The following NUP153 variants were observed in gnomAD, a reference collection of about 807,000 sequenced individuals.
The protein encoded by NUP153 is nucleoporin 153.
NUP153 carries 27 observed loss-of-function variants against 134.6 expected under a neutral mutation model. The observed-to-expected ratio is 0.20, with a 90% confidence interval of 0.15 to 0.28. NUP153 has a LOEUF of 0.28. NUP153 is among the 10% of genes least tolerant of loss of function. The pLI is 1.00. For missense variants in NUP153, 1,821 were observed against 1,731.3 expected (o/e 1.05, Z -0.92); for synonymous variants, 640 against 623.5 (o/e 1.03, Z -0.40).
At chr6:17,704,197 C>T (rs141787223) in intron 1 of NUP153, among the ~76,000 whole-genome samples, 2,930 of 151,400 alleles carry the variant, frequency 0.019, 97 homozygotes, top group African/African-American at 0.067. Flanking sequence ...GAGGCTGAGG[C>T]AGGAGAATGG....
intron 5 of NUP153, 51 bp downstream of exon 5, chr6:17,674,854 G>A (rs753407469): frequency 7.9e-5 from 108 of 1,372,588 alleles, no homozygotes; most frequent in Non-Finnish European, 1.0e-4. Context: ...TCCAGTTAAA[G>A]TGTAAAAAAA....
intron 20 of NUP153, among the ~76,000 whole-genome samples, chr6:17,622,291 C>G (rs886743170): frequency 6.6e-6 from 1 of 151,944 alleles, no homozygotes; most frequent in Non-Finnish European, 1.5e-5. Flanking sequence ...CTCTACAAAC[C>G]ACGCCCCCCT....
intron 14 of NUP153, among the ~76,000 whole-genome samples, chr6:17,645,744 C>T (rs1054531150): frequency 1.1e-4 from 17 of 152,102 alleles, no homozygotes; most frequent in African/African-American, 3.1e-4. Context: ...TGTAGACAAC[C>T]TATAAATTTC....
chr6:17,632,705 A>G lies in NUP153; in HGVS notation c.2604T>C (p.Ser868=), dbSNP rs1486374182. The part of the protein sequence containing the change: ...ELCLVQNKAD[S]TKCLACESAK... ...CACTTTCACATGCCAAACATTTGGT[A>G]GAGTCTGCCTTATTCTGCACTAGGC... Residue 868 remains serine (S), a synonymous_variant, in exon 17 of 22, where the codon TCT becomes TCC. Coordinates refer to ENST00000262077, the MANE Select transcript of NUP153 (RefSeq NM_005124.4). The G allele has an allele frequency of 1.9e-6, 3 of 1,613,454 alleles. No homozygotes were observed. Among genetic ancestry groups the G allele is most frequent in the Admixed American group, 1.7e-5 (1 of 59,858 alleles).
chr6:17,622,585 A>G (rs1764702111), intron 20 of NUP153, among the ~76,000 whole-genome samples: 1 of 152,142 alleles, frequency 6.6e-6, no homozygotes, highest in South Asian at 2.1e-4. Flanking sequence ...TGTGACTCTA[A>G]TTTTTAGGGC....
intron 20 of NUP153, among the ~76,000 whole-genome samples, chr6:17,616,901 G>A (rs2113755883): frequency 6.6e-6 from 1 of 152,226 alleles, no homozygotes; most frequent in East Asian, 1.9e-4. Context: ...ATAGGTGCGT[G>A]CCACCATGCC....
rs1361246745 is a variant in NUP153 at position 17,706,181 on chromosome 6, G to A, written c.111+96C>T. On this transcript the variant is annotated intron_variant, in intron 1 of 21. Coordinates refer to ENST00000262077, the MANE Select transcript of NUP153 (RefSeq NM_005124.4). The surrounding 1 kb of genome is among the most constrained non-coding windows in gnomAD (Gnocchi z 5.9). ...CTCGGGCCTTTCCTCAGGCCCTCCT[G>A]TCTGCTCCACGTGGGGCGCCGGGGC... The A allele has an allele frequency of 7.0e-6, 7 of 998,622 alleles. No individual in the cohort carries two copies. The East Asian group carries it at 1.3e-4, about 18-fold the overall frequency. The allele number at this position is 998,622 out of a possible 1,614,324, so 61.9% of individuals were successfully genotyped here. A position where few individuals can be genotyped will look rare whatever the true frequency, so the allele number is the denominator to read the frequency against.
chr6:17,689,036 T>C (rs553361599), intron 1 of NUP153, among the ~76,000 whole-genome samples: 1 of 151,326 alleles, frequency 6.6e-6, no homozygotes, highest in African/African-American at 2.4e-5. Context: ...TGCTTTAAGA[T>C]AAATAAAAAT....
intron 6 of NUP153, 38 bp from the exon 7 acceptor site, chr6:17,669,375 CAAT>C (rs1326030844): frequency 6.3e-7 from 1 of 1,598,578 alleles, no homozygotes; most frequent in Admixed American, 1.7e-5. Flanking sequence ...TAAGATTTTT[CAAT>C]AATATCAAGT....
intron 1 of NUP153, among the ~76,000 whole-genome samples, chr6:17,694,722 T>C (rs2113857839): frequency 6.6e-6 from 1 of 151,022 alleles, no homozygotes; most frequent in East Asian, 2.0e-4. Context: ...CTTACTCCTA[T>C]AAGCCCAGCG....
Position 17,615,290 on chromosome 6 carries a change from T to G in NUP153, c.*807A>C, listed in dbSNP as rs1764257217. 1 of 152,570 alleles carries G rather than the reference T, an allele frequency of 6.6e-6. No individual in the cohort carries two copies. 9.5% of individuals were successfully genotyped at this position (152,570 alleles called of 1,614,324 possible). ...TTTTTTTAAAGATTTCCAAATGGAT[T>G]TAGGCAACTTTGAATAATGGGATTT... On this transcript the variant is annotated 3_prime_UTR_variant, in exon 22 of 22. Coordinates refer to ENST00000262077, the MANE Select transcript of NUP153 (RefSeq NM_005124.4). This position sits in a 1 kb window ranked among gnomAD's most constrained non-coding sequence, Gnocchi z 5.7.
chr6:17,642,756 T>C (rs1401951563), intron 14 of NUP153, among the ~76,000 whole-genome samples: 1 of 152,204 alleles, frequency 6.6e-6, no homozygotes, highest in Non-Finnish European at 1.5e-5. Context: ...GCAGCACTAT[T>C]CACAATAGCC....
chr6:17,655,544 C>G (rs1199784628), intron 11 of NUP153, among the ~76,000 whole-genome samples: 1 of 151,742 alleles, frequency 6.6e-6, no homozygotes, highest in African/African-American at 2.4e-5. Flanking sequence ...ACCTCCCCCT[C>G]CCAGGTTCAA....
intron 2 of NUP153, among the ~76,000 whole-genome samples, chr6:17,679,798 C>T (rs1164092343): frequency 3.3e-5 from 5 of 152,134 alleles, no homozygotes; most frequent in East Asian, 1.9e-4. Context: ...AGCCATTCTT[C>T]GGTGCTCTCA....
chr6:17,657,549 G>A (rs1766905710), intron 11 of NUP153, among the ~76,000 whole-genome samples: 1 of 151,946 alleles, frequency 6.6e-6, no homozygotes, highest in African/African-American at 2.4e-5. Flanking sequence ...CAAATAGAGT[G>A]AGACCCTGTC....
rs76192542 is a variant in NUP153, at chr6:17,650,400, G to A, written c.1396-1100C>T. Among the ~76,000 whole-genome samples, 1,207 of 152,278 alleles carry A rather than the reference G, an allele frequency of 7.9e-3. 10 individuals carry two copies. Among genetic ancestry groups the A allele is most frequent in the African/African-American group, 0.026 (1,060 of 41,556 alleles). On this transcript the variant is annotated intron_variant, in intron 11 of 21. Transcript: ENST00000262077. ...CTCAAAGTCTACATATAAGCCACCC[G>A]AATCTCTGGTGGACCTGTAAACTAC...
intron 1 of NUP153, among the ~76,000 whole-genome samples, chr6:17,690,333 T>C (rs1002567171): frequency 6.6e-6 from 1 of 151,256 alleles, no homozygotes; most frequent in African/African-American, 2.4e-5. Context: ...TTGAGAAAGC[T>C]TGCAGTGAGC....
intron 13 of NUP153, among the ~76,000 whole-genome samples, chr6:17,646,657 C>T (rs1384194252): frequency 6.6e-6 from 1 of 152,252 alleles, no homozygotes; most frequent in East Asian, 1.9e-4. Context: ...ATTTCTCAGG[C>T]ACTTTTTCTT....
At chr6:17,633,867 C>T (rs1765385707) in intron 16 of NUP153, among the ~76,000 whole-genome samples, 1 of 152,074 alleles carries the variant, frequency 6.6e-6, no homozygotes, top group Non-Finnish European at 1.5e-5. Flanking sequence ...CCCTGGGGTT[C>T]CATCTTGGCC....
Sources: allele counts gnomAD v4.1 joint callset (sites outside exome capture counted in the v4.1 genomes callset), GRCh38; gene constraint gnomAD v4.1.1; non-coding constraint Gnocchi (gnomAD v3.1); transcripts MANE v1.5; gene names NCBI Gene and HGNC (gene_info 2026-07-23, HGNC 2026-07-21).